The following POGZ variants were observed in gnomAD, a reference collection of about 807,000 sequenced individuals.
POGZ encodes the protein pogo transposable element with ZNF domain.
A neutral mutation model predicts 134.6 loss-of-function variants in POGZ; 17 were observed. That is an observed-to-expected ratio of 0.13 (90% CI 0.09 to 0.19). POGZ has a LOEUF of 0.19. Ranked by LOEUF, POGZ falls within the 10% of genes least tolerant of loss-of-function variation. The probability of loss-of-function intolerance (pLI) is 1.00; values close to 1 mark genes in which losing one functional copy is unlikely to be tolerated. For synonymous variants in POGZ, 693 were observed against 657.1 expected, an observed-to-expected ratio of 1.05 and a Z score of -0.84; for missense variants, 1,306 against 1,769.7, an observed-to-expected ratio of 0.74 and a Z score of 4.70.
Position 151,428,390 on chromosome 1 carries a change from G to A in POGZ, c.592C>T (p.Pro198Ser), listed in dbSNP as rs1329204977. 1 of 1,613,618 alleles carries A rather than the reference G, an allele frequency of 6.2e-7. No homozygotes were observed. Among genetic ancestry groups the A allele is most frequent in the African/African-American group, 1.3e-5 (1 of 75,026 alleles). The stretch of plus-strand genomic sequence containing the variant: ...AACACTTGTGGAACTCCAACTGTCG[G>A]CTTAACAAACTGGGTACCTGGGGCT... ...VPAPGTQFVK[P>S]TVGVPQVFSQ... The change falls in exon 6 of 19, where the codon CCG becomes TCG. Residue 198 changes from proline to serine, a missense_variant. Around this residue, in one of 10 missense-constraint regions of POGZ, gnomAD observed 541 missense variants for 680.5 expected, o/e 0.80. Coordinates refer to ENST00000271715, the MANE Select transcript of POGZ (RefSeq NM_015100.4).
chr1:151,415,670 C>CAA (rs749459920), intron 10 of POGZ, among the ~76,000 whole-genome samples: 543 of 54,106 alleles, frequency 0.01, 13 homozygotes, highest in African/African-American at 0.028. Flanking sequence ...GACTCCGTCT[C>CAA]AAAAAAAAAA....
chr1:151,447,642 A>ATT (rs35308281), intron 1 of POGZ, among the ~76,000 whole-genome samples: 11 of 52,978 alleles, frequency 2.1e-4, no homozygotes, highest in Admixed American at 1.3e-3. Context: ...TGTCTGGCTA[A>ATT]TTTTTTTTTT....
Position 151,404,942 on chromosome 1 carries a change from C to G in POGZ, c.4093G>C (p.Glu1365Gln). The G allele has an allele frequency of 6.2e-7, 1 of 1,614,210 alleles. No homozygotes were observed. Among genetic ancestry groups the G allele is most frequent in the South Asian group, 1.1e-5 (1 of 91,088 alleles). The change falls in exon 19 of 19, where the codon GAG (glutamate) becomes CAG (glutamine). Residue 1365 changes from glutamate to glutamine, a missense_variant. By Grantham distance (29) the Glu-to-Gln change is conservative. Around this residue, in one of 10 missense-constraint regions of POGZ, gnomAD observed 107 missense variants for 97.9 expected, o/e 1.09. Transcript: ENST00000271715. Reference sequence around the variant, plus strand: ...GATCTGGGTCGTGGAGTGGAAGACTCAGAATGTTCCCCACTCAGCTTCAGT... The same window carrying G: ...GATCTGGGTCGTGGAGTGGAAGACTGAGAATGTTCCCCACTCAGCTTCAGT... ...EQLKLSGEHS[E>Q]SSTPRPRSSP...
At chr1:151,451,960 G>C (rs182146589) in intron 1 of POGZ, among the ~76,000 whole-genome samples, 10 of 151,526 alleles carry the variant, frequency 6.6e-5, no homozygotes, top group African/African-American at 2.4e-4. Context: ...AGCCGGGCGT[G>C]GTGGTGGGCA....
At chr1:151,410,926 A>C (rs912592669) in intron 12 of POGZ, among the ~76,000 whole-genome samples, 3 of 152,140 alleles carry the variant, frequency 2.0e-5, no homozygotes, top group African/African-American at 7.2e-5. Flanking sequence ...TCTTCTGAAT[A>C]TCTCTCAACT....
intron 1 of POGZ, among the ~76,000 whole-genome samples, chr1:151,452,420 G>A (rs1398090569): frequency 2.0e-5 from 3 of 151,476 alleles, no homozygotes; most frequent in East Asian, 2.0e-4. Flanking sequence ...GCACAATCAC[G>A]GCTTATTGCA....
chr1:151,404,065 G>A lies in POGZ; in HGVS notation c.*737C>T. On this transcript the variant is annotated 3_prime_UTR_variant, in exon 19 of 19. Coordinates refer to ENST00000271715, the MANE Select transcript of POGZ (RefSeq NM_015100.4). The stretch of plus-strand genomic sequence containing the variant: ...TGTCATGTTTTGGAGGGAAGGTGGT[G>A]AGGAAAAGACAAATCTATTCATTCT... The A allele has an allele frequency of 2.0e-6, 2 of 985,456 alleles. No individual in the cohort carries two copies. Among genetic ancestry groups the A allele is most frequent in the South Asian group, 4.7e-5 (1 of 21,286 alleles). The allele number at this position is 985,456 out of a possible 1,614,324, so 61.0% of individuals were successfully genotyped here.
intron 1 of POGZ, among the ~76,000 whole-genome samples, chr1:151,455,868 A>G (rs1332698295): frequency 1.3e-5 from 2 of 151,616 alleles, no homozygotes; most frequent in African/African-American, 4.8e-5. Flanking sequence ...GGTAAATACT[A>G]AAACTCAACA....
At chr1:151,419,024 CAAAAAAA>C (rs71090164) in intron 10 of POGZ, among the ~76,000 whole-genome samples, 3 of 52,162 alleles carry the variant, frequency 5.8e-5, no homozygotes, top group East Asian at 4.8e-4. Context: ...AGCTCTGTCT[CAAAAAAA>C]AAAAAAAAAA....
intron 12 of POGZ, among the ~76,000 whole-genome samples, chr1:151,410,878 C>T (rs1027031359): frequency 5.9e-5 from 9 of 152,202 alleles, no homozygotes; most frequent in African/African-American, 2.2e-4. Context: ...GCATTGCTAC[C>T]TTCACCTAAT....
intron 1 of POGZ, among the ~76,000 whole-genome samples, chr1:151,455,430 C>T (rs1272062243): frequency 6.6e-6 from 1 of 152,122 alleles, no homozygotes; most frequent in Non-Finnish European, 1.5e-5. Context: ...CCCAAGTTCC[C>T]CAAGGGAGTT....
At position 151,441,045 on chromosome 1, in the gene POGZ, C is replaced by T. The variant is rs1283746447; in HGVS notation, c.166G>A (p.Ala56Thr). ...TGCCCAGCAACAGAAGCATGGGCAG[C>T]GATGGGCACTGGAGCCGAGACTGGC... ...QQPVSAPVPI[A>T]AHASVAGHLS... The change falls in exon 3 of 19, where the codon GCT becomes ACT. Residue 56 changes from alanine (A) to threonine (T), a missense_variant. Ala to Thr is a moderately conservative substitution (Grantham distance 58, BLOSUM62 0). Around this residue, in one of 10 missense-constraint regions of POGZ, gnomAD observed 541 missense variants for 680.5 expected, o/e 0.80. Coordinates refer to ENST00000271715, the MANE Select transcript of POGZ (RefSeq NM_015100.4). The T allele has an allele frequency of 3.1e-6, 5 of 1,613,872 alleles. No individual in the cohort carries two copies. The highest frequency in any genetic ancestry group is 1.3e-5 in the African/African-American group (1 of 75,016).
At chr1:151,415,668 C>T (rs1340177345) in intron 10 of POGZ, among the ~76,000 whole-genome samples, 2 of 119,670 alleles carry the variant, frequency 1.7e-5, no homozygotes, top group Admixed American at 1.8e-4. Context: ...GAGACTCCGT[C>T]TCAAAAAAAA....
rs1166333029 is a variant in POGZ at position 151,428,183 on chromosome 1, G to A, written c.799C>T (p.Leu267=). The part of the protein sequence containing the change: ...TTPTATQPTS[L]GQLAVQSPGQ... The stretch of plus-strand genomic sequence containing the variant: ...GGAGACTGAACAGCTAGTTGCCCCA[G>A]TGAGGTTGGCTGTGTGGCAGTGGGA... Residue 267 remains leucine (L), a synonymous_variant, in exon 6 of 19, where the codon CTG becomes TTG. Transcript: ENST00000271715. The A allele has an allele frequency of 6.2e-7, 1 of 1,614,092 alleles. No individual in the cohort carries two copies. The highest frequency in any genetic ancestry group is 8.5e-7 in the Non-Finnish European group (1 of 1,180,048).
chr1:151,430,201 C>T (rs959194659), intron 4 of POGZ, among the ~76,000 whole-genome samples: 1 of 152,152 alleles, frequency 6.6e-6, no homozygotes, highest in African/African-American at 2.4e-5. Context: ...CTTTAGAATC[C>T]ATATTCAGAA....
At position 151,409,589 on chromosome 1, in the gene POGZ, G is replaced by A. The variant is rs111680336; in HGVS notation, c.1927-761C>T. On this transcript the variant is annotated intron_variant, in intron 12 of 18. Coordinates refer to ENST00000271715, the MANE Select transcript of POGZ (RefSeq NM_015100.4). ...TGGGTTCAAGTGATCTACCTGCCTT[G>A]GCCTCCCAAAGTGTTGGGATTACAG... Among the ~76,000 whole-genome samples the A allele has an allele frequency of 5.0e-3, 759 of 152,072 alleles. 7 individuals are homozygous for A. Among genetic ancestry groups the A allele is most frequent in the African/African-American group, 0.017 (725 of 41,472 alleles).
chr1:151,430,670 G>C lies in POGZ; in HGVS notation c.455C>G (p.Thr152Arg), dbSNP rs1200555207. ...PVASQPIFIT[T>R]QGFPVRNVRP... Reference sequence around the variant, plus strand: ...GGAATTCAGAGTCCTACTCACCTGCGTAGTGATAAATATTGGTTGTGAGGC... The same window carrying C: ...GGAATTCAGAGTCCTACTCACCTGCCTAGTGATAAATATTGGTTGTGAGGC... Residue 152 changes from threonine to arginine, a missense_variant, in exon 4 of 19, where the codon ACG becomes AGG. By Grantham distance (71) the Thr-to-Arg change is moderately conservative. Coordinates refer to ENST00000271715, the MANE Select transcript of POGZ (RefSeq NM_015100.4). The C allele has an allele frequency of 6.2e-7, 1 of 1,604,486 alleles. No homozygotes were observed. Among genetic ancestry groups the C allele is most frequent in the Non-Finnish European group, 8.5e-7 (1 of 1,174,684 alleles).
chr1:151,452,687 A>G (rs573872898), intron 1 of POGZ, among the ~76,000 whole-genome samples: 1 of 152,064 alleles, frequency 6.6e-6, no homozygotes, highest in African/African-American at 2.4e-5. Flanking sequence ...AACACAGTGA[A>G]ACCCCGTCTC....
At chr1:151,420,988 C>CATAT (rs71090165) in intron 10 of POGZ, among the ~76,000 whole-genome samples, 11,836 of 144,648 alleles carry the variant, frequency 0.082, 505 homozygotes, top group East Asian at 0.12. Context: ...CGTGTTTTTT[C>CATAT]ATATATATAT....
Sources: allele counts gnomAD v4.1 joint callset (sites outside exome capture counted in the v4.1 genomes callset), GRCh38; gene constraint gnomAD v4.1.1; regional missense constraint gnomAD v4.1.1; transcripts MANE v1.5; gene names NCBI Gene and HGNC (gene_info 2026-07-23, HGNC 2026-07-21).